NCKAP5: variants seen among roughly 807,000 people sequenced by gnomAD.
The protein encoded by NCKAP5 is nck-associated protein 5.
In NCKAP5, 92 loss-of-function variants were observed where a neutral mutation model predicts 167.0. That is an observed-to-expected ratio of 0.55 (90% CI 0.47 to 0.66). The LOEUF is 0.66. NCKAP5 is among the 30% of genes least tolerant of loss of function. The pLI is 0.00. For synonymous variants in NCKAP5, 891 were observed against 877.4 expected (o/e 1.02, Z -0.27); for missense variants, 2,378 against 2,315.0 (o/e 1.03, Z -0.56).
intron 2 of NCKAP5, among the ~76,000 whole-genome samples, chr2:133,531,170 G>GAGGA (rs1218378466): frequency 5.9e-5 from 9 of 152,044 alleles, no homozygotes; most frequent in Non-Finnish European, 8.8e-5. Context: ...GAAAGGGAAT[G>GAGGA]AGGAAGGAAG....
intron 4 of NCKAP5, among the ~76,000 whole-genome samples, chr2:133,238,750 G>C (rs950900698): frequency 6.6e-6 from 1 of 152,170 alleles, no homozygotes; most frequent in Non-Finnish European, 1.5e-5. Flanking sequence ...ATGAAGACAT[G>C]TTCCACAGGT....
At chr2:133,169,949 C>G (rs1392328556) in intron 5 of NCKAP5, among the ~76,000 whole-genome samples, 1 of 152,266 alleles carries the variant, frequency 6.6e-6, no homozygotes, top group East Asian at 1.9e-4. Flanking sequence ...CCAATAGACA[C>G]AGAAGTTGCA....
At chr2:132,859,338 G>A (rs1689710305) in intron 11 of NCKAP5, among the ~76,000 whole-genome samples, 3 of 152,076 alleles carry the variant, frequency 2.0e-5, no homozygotes, top group African/African-American at 7.2e-5. Context: ...GGAGTCCTAA[G>A]ATTTTTATTC....
intron 3 of NCKAP5, among the ~76,000 whole-genome samples, chr2:133,468,873 C>T (rs1692815688): frequency 6.6e-6 from 1 of 152,154 alleles, no homozygotes; most frequent in African/African-American, 2.4e-5. Context: ...GTAGATCTTC[C>T]TCCATCCTTA....
At chr2:133,549,341 G>A (rs1428034533) in intron 2 of NCKAP5, among the ~76,000 whole-genome samples, 1 of 150,592 alleles carries the variant, frequency 6.6e-6, no homozygotes, top group African/African-American at 2.5e-5. Flanking sequence ...CCACATAGTT[G>A]GAAGTAAAGC....
At chr2:132,972,926 A>T (rs1399716366) in intron 7 of NCKAP5, among the ~76,000 whole-genome samples, 2 of 152,152 alleles carry the variant, frequency 1.3e-5, no homozygotes, top group Non-Finnish European at 2.9e-5. Context: ...TTTTAATTAA[A>T]TAAAGAGAGA....
chr2:133,048,330 A>T (rs1381978109), intron 6 of NCKAP5, among the ~76,000 whole-genome samples: 4 of 152,216 alleles, frequency 2.6e-5, no homozygotes, highest in Admixed American at 2.6e-4. Flanking sequence ...AGTTTTGGGG[A>T]CAATTAAATG....
Position 132,791,018 on chromosome 2 carries a change from G to T in NCKAP5, c.910-813C>A, listed in dbSNP as rs1210247376. Among the ~76,000 whole-genome samples the T allele has an allele frequency of 3.3e-5, 5 of 152,274 alleles. No individual in the cohort carries two copies. In the South Asian group the frequency reaches 8.3e-4, roughly 25 times the overall value. Reference sequence around the variant, plus strand: ...ACAGGCTTCAAAAGCATGTAAACTGGCTGTGAGTCTAGTGGTCTGGATCCC... The same window carrying T: ...ACAGGCTTCAAAAGCATGTAAACTGTCTGTGAGTCTAGTGGTCTGGATCCC... On this transcript the variant is annotated intron_variant, in intron 12 of 19. Transcript: ENST00000409261.
chr2:133,177,326 C>A (rs2084512869), intron 5 of NCKAP5, among the ~76,000 whole-genome samples: 1 of 152,046 alleles, frequency 6.6e-6, no homozygotes, highest in Admixed American at 6.5e-5. Flanking sequence ...AAGGAACACT[C>A]TGTACAAAAG....
chr2:132,905,797 G>T (rs1417671130), intron 8 of NCKAP5, among the ~76,000 whole-genome samples: 1 of 152,036 alleles, frequency 6.6e-6, no homozygotes, highest in Non-Finnish European at 1.5e-5. Flanking sequence ...CCACCTTACT[G>T]CACTCTTTAT....
rs577343672 is a variant in NCKAP5 at position 132,774,533 on chromosome 2, CACTAGATTGGGCAGCATCAGATGGA to C, written c.5050-664_5050-640del. ...TTATATTTCAGTTGGAAGGCCCAGG[CACTAGATTGGGCAGCATCAGATGGA>C]ACTCTACACAGAATTTAATGAAGTT... is the stretch of plus-strand genomic sequence containing the variant. On this transcript the variant is annotated intron_variant, in intron 15 of 19. Coordinates refer to ENST00000409261, the MANE Select transcript of NCKAP5 (RefSeq NM_207363.3). 4.6e-5 allele frequency among the ~76,000 whole-genome samples: 7 copies of C among 152,138 alleles called. No individual in the cohort carries two copies. In the South Asian group the frequency reaches 1.5e-3, roughly 32 times the overall value.
chr2:133,555,210 C>A (rs1687654558), intron 2 of NCKAP5, among the ~76,000 whole-genome samples: 1 of 152,158 alleles, frequency 6.6e-6, no homozygotes, highest in Admixed American at 6.5e-5. Flanking sequence ...TTCTTTCTTC[C>A]ACCGACTAAC....
At chr2:132,717,740 A>C (rs899351636) in intron 19 of NCKAP5, among the ~76,000 whole-genome samples, 4 of 152,132 alleles carry the variant, frequency 2.6e-5, no homozygotes, top group Non-Finnish European at 4.4e-5. Context: ...GGCTCTTTGT[A>C]ATTTGTTGAA....
chr2:133,256,360 T>C (rs908990322), intron 4 of NCKAP5, among the ~76,000 whole-genome samples: 5 of 152,080 alleles, frequency 3.3e-5, no homozygotes, highest in Non-Finnish European at 7.4e-5. Context: ...TAGGAAAAAT[T>C]GTGACCCCAA....
At chr2:133,053,148 G>T (rs1404018289) in intron 6 of NCKAP5, among the ~76,000 whole-genome samples, 1 of 152,148 alleles carries the variant, frequency 6.6e-6, no homozygotes, top group Non-Finnish European at 1.5e-5. Context: ...TTGGTTAGCT[G>T]GTAAACCATT....
chr2:133,266,264 T>A (rs1432961549), intron 4 of NCKAP5: 1 of 152,108 alleles, frequency 6.6e-6, no homozygotes, highest in Non-Finnish European at 1.5e-5. Flanking sequence ...TCGCCCCACC[T>A]CCCAAAACTT....
In NCKAP5 at chr2:133,517,571, G is replaced by T; in HGVS notation, c.-45C>A. ...CTTTTGTGACTTATAAGAATCCCCC[G>T]TCTGTTTCCAGGGTCACTGAAAAGA... On this transcript the variant is annotated 5_prime_UTR_variant, in exon 3 of 20. Coordinates refer to ENST00000409261, the MANE Select transcript of NCKAP5 (RefSeq NM_207363.3). The T allele has an allele frequency of 7.6e-7, 1 of 1,322,396 alleles. No homozygotes were observed. The highest frequency in any genetic ancestry group is 1.0e-6 in the Non-Finnish European group (1 of 966,050). The allele number at this position is 1,322,396 out of a possible 1,614,324, so 81.9% of individuals were successfully genotyped here.
At chr2:133,674,423 G>A in the NCKAP5 span, among the ~76,000 whole-genome samples, 1 of 152,072 alleles carries the variant, frequency 6.6e-6, no homozygotes, top group Non-Finnish European at 1.5e-5. Flanking sequence ...GTCAGCAAAG[G>A]CAAACATTTA....
At chr2:133,190,269 A>G (rs2085152024) in intron 5 of NCKAP5, among the ~76,000 whole-genome samples, 1 of 152,212 alleles carries the variant, frequency 6.6e-6, no homozygotes, top group African/African-American at 2.4e-5. Flanking sequence ...TCAATGAAAT[A>G]AAAGAGGATA....
Sources: allele counts gnomAD v4.1 joint callset (sites outside exome capture counted in the v4.1 genomes callset), GRCh38; gene constraint gnomAD v4.1.1; transcripts MANE v1.5; gene names NCBI Gene and HGNC (gene_info 2026-07-23, HGNC 2026-07-21).